Variants in TCF12 observed in about 807,000 individuals in gnomAD.
TCF12 encodes DNA-binding protein HTF4.
A neutral mutation model predicts 86.0 loss-of-function variants in TCF12; 45 were observed. That is an observed-to-expected ratio of 0.52 (90% confidence interval 0.41 to 0.67). The LOEUF (loss-of-function observed/expected upper bound fraction) is 0.67. Among genes scored for constraint, TCF12 ranks in the 30% least tolerant of loss-of-function variants. The pLI is 0.00. For synonymous variants in TCF12, 330 were observed against 299.6 expected (o/e 1.10, Z -1.05); for missense variants, 881 against 859.9 (o/e 1.02, Z -0.31).
chr15:56,955,361 A>T (rs2061462117), intron 3 of TCF12, among the ~76,000 whole-genome samples: 1 of 151,762 alleles, frequency 6.6e-6, no homozygotes, highest in Admixed American at 6.6e-5. Flanking sequence ...TGAGAACTCT[A>T]GGACACAGGG....
intron 4 of TCF12, among the ~76,000 whole-genome samples, chr15:57,074,105 C>T (rs766568626): frequency 4.6e-5 from 7 of 151,984 alleles, no homozygotes; most frequent in Non-Finnish European, 7.4e-5. Flanking sequence ...AGCAGTAATT[C>T]GTATTTTATG....
At chr15:57,281,546 A>G (rs1371747377) in intron 19 of TCF12, 4 of 152,246 alleles carry the variant, frequency 2.6e-5, no homozygotes, top group African/African-American at 4.8e-5. Context: ...GCAATCCAGC[A>G]AAGCTTCATC....
rs34980035 is a variant in TCF12 at position 57,135,928 on chromosome 15, AT to A, written c.326-30462del. Reference sequence around the variant, plus strand: ...TGTGTTAGAGGGGGAAAAAATCTGGATTTTTTTTTTTTCATGAAATGGGCTT... The same window carrying A: ...TGTGTTAGAGGGGGAAAAAATCTGGATTTTTTTTTTTCATGAAATGGGCTT... On this transcript the variant is annotated intron_variant, in intron 5 of 20. Transcript: ENST00000333725. Among the ~76,000 whole-genome samples the A allele has an allele frequency of 4.3e-3, 635 of 147,254 alleles. 4 individuals are homozygous for A. The highest frequency in any genetic ancestry group is 0.013 in the African/African-American group (531 of 40,166).
intron 5 of TCF12, among the ~76,000 whole-genome samples, chr15:57,111,862 GGATT>G (rs1567445275): frequency 6.6e-6 from 1 of 152,084 alleles, no homozygotes; most frequent in Non-Finnish European, 1.5e-5. Context: ...CGGAGTGCTA[GGATT>G]ACAGGCATTA....
At chr15:56,918,346 G>A (rs976667181), upstream of TCF12, 8 of 439,250 alleles carry the variant, frequency 1.8e-5, no homozygotes, top group African/African-American at 1.4e-4. Context: ...CCAACGCGAG[G>A]AGGCGCCACG....
intron 4 of TCF12, among the ~76,000 whole-genome samples, chr15:57,071,656 A>G (rs2069396660): frequency 6.6e-6 from 1 of 152,186 alleles, no homozygotes; most frequent in African/African-American, 2.4e-5. Flanking sequence ...AACACAGCCC[A>G]AAAAACTTCT....
intron 3 of TCF12, among the ~76,000 whole-genome samples, chr15:57,010,110 C>T (rs1466473615): frequency 1.3e-5 from 2 of 152,086 alleles, no homozygotes. Flanking sequence ...TTTCCTTTTG[C>T]ACGCAGTACA....
chr15:57,024,165 A>T (rs1247138048), intron 3 of TCF12, among the ~76,000 whole-genome samples: 1 of 151,934 alleles, frequency 6.6e-6, no homozygotes, highest in Non-Finnish European at 1.5e-5. Context: ...TGGCTCAGGC[A>T]AGAAAGGCAA....
chr15:57,144,277 C>T (rs1203534803), intron 5 of TCF12, among the ~76,000 whole-genome samples: 1 of 152,106 alleles, frequency 6.6e-6, no homozygotes, highest in Non-Finnish European at 1.5e-5. Flanking sequence ...ATACGAGGCA[C>T]ATTCTAAGGA....
chr15:57,259,543 G>A (rs1370489596), intron 16 of TCF12, among the ~76,000 whole-genome samples: 2 of 152,210 alleles, frequency 1.3e-5, no homozygotes, highest in African/African-American at 2.4e-5. Context: ...GTCCCTTGTT[G>A]GGTGCTTCCA....
At chr15:57,033,799 T>C (rs1425720162) in intron 3 of TCF12, among the ~76,000 whole-genome samples, 1 of 152,126 alleles carries the variant, frequency 6.6e-6, no homozygotes, top group Non-Finnish European at 1.5e-5. Flanking sequence ...CCGTAGACAT[T>C]TGGTAGGGAT....
intron 20 of TCF12, among the ~76,000 whole-genome samples, chr15:57,285,869 G>C (rs893384146): frequency 1.3e-5 from 2 of 152,154 alleles, no homozygotes; most frequent in African/African-American, 2.4e-5. Context: ...TGAAGGCTGC[G>C]TTGAGCCATG....
At position 57,248,010 on chromosome 15, in the gene TCF12, A is replaced by G. The variant is rs1392625720; in HGVS notation, c.1115-3340A>G. 2.0e-5 allele frequency: 14 copies of G among 713,752 alleles called. No individual in the cohort carries two copies. The East Asian group carries it at 3.2e-4, about 16-fold the overall frequency. 44.2% of individuals were successfully genotyped at this position (713,752 alleles called of 1,614,324 possible). ...CCACCCCACCCCCACAGTGGTGGCA[A>G]CGGCTGCAGTTGGGCAGCGGTTTTA... On this transcript the variant is annotated intron_variant, in intron 13 of 20. Coordinates refer to ENST00000333725, the MANE Select transcript of TCF12 (RefSeq NM_207037.2).
Position 57,231,826 on chromosome 15 carries a change from T to C in TCF12, c.686-465T>C, listed in dbSNP as rs2059151928. 2.0e-5 allele frequency among the ~76,000 whole-genome samples: 3 copies of C among 152,310 alleles called. No individual in the cohort carries two copies. The South Asian group carries it at 6.2e-4, about 32-fold the overall frequency. Reference sequence around the variant, plus strand: ...GTGGAGTCATTGCTGACACATTTCATTTGAAAGCTAACTATAATATGGTAA... The same window carrying C: ...GTGGAGTCATTGCTGACACATTTCACTTGAAAGCTAACTATAATATGGTAA... On this transcript the variant is annotated intron_variant, in intron 9 of 20. Transcript: ENST00000333725.
At chr15:57,173,598 AATATT>A (rs2055685801) in intron 6 of TCF12, among the ~76,000 whole-genome samples, 1 of 152,168 alleles carries the variant, frequency 6.6e-6, no homozygotes, top group South Asian at 2.1e-4. Flanking sequence ...GAATATAATA[AATATT>A]ATAACTTAGT....
At chr15:57,274,784 G>A (rs1435070485) in intron 19 of TCF12, among the ~76,000 whole-genome samples, 1 of 152,062 alleles carries the variant, frequency 6.6e-6, no homozygotes, top group African/African-American at 2.4e-5. Flanking sequence ...TGGTCAACAG[G>A]AGTACCAGAA....
chr15:57,144,882 A>C (rs2053247683), intron 5 of TCF12, among the ~76,000 whole-genome samples: 1 of 152,192 alleles, frequency 6.6e-6, no homozygotes, highest in South Asian at 2.1e-4. Context: ...GATTACAAGC[A>C]TGAGCTGCCA....
intron 3 of TCF12, among the ~76,000 whole-genome samples, chr15:57,004,623 A>T (rs1413353637): frequency 6.6e-6 from 1 of 151,918 alleles, no homozygotes; most frequent in Non-Finnish European, 1.5e-5. Context: ...GTTAGCCAGG[A>T]TGGTCTCTGT....
chr15:57,205,099 G>T (rs991573821), intron 8 of TCF12, among the ~76,000 whole-genome samples: 8 of 152,062 alleles, frequency 5.3e-5, no homozygotes, highest in African/African-American at 1.7e-4. Flanking sequence ...GATCACTTGA[G>T]CCCAGGAGTT....
Sources: allele counts gnomAD v4.1 joint callset (sites outside exome capture counted in the v4.1 genomes callset), GRCh38; gene constraint gnomAD v4.1.1; transcripts MANE v1.5; gene names NCBI Gene and HGNC (gene_info 2026-07-23, HGNC 2026-07-21).